MYOZ2: variants seen among roughly 807,000 people sequenced by gnomAD.
The protein encoded by MYOZ2 is myozenin 2, also known as myozenin-2.
In MYOZ2, 19 loss-of-function variants were observed where a neutral mutation model predicts 25.4. The observed-to-expected ratio is 0.75, with a 90% CI of 0.52 to 1.10. The LOEUF (loss-of-function observed/expected upper bound fraction) is 1.10, where lower values mean the gene tolerates loss of function less well. Among genes scored for constraint, MYOZ2 ranks in the 50% least tolerant of loss-of-function variants. MYOZ2 has a pLI of 0.00. For missense variants in MYOZ2, 270 were observed against 317.9 expected (o/e 0.85, Z 1.15); for synonymous variants, 92 against 106.9 (o/e 0.86, Z 0.86).
In MYOZ2 at chr4:119,164,353, T is replaced by A; in HGVS notation, c.519T>A (p.Pro173=). ...CTTTATATCCTAAACTTTTCAAGCCTGAAGGAAAGGCAGAACTGCCTGATT... is the reference window on the plus strand; with the variant it reads ...CTTTATATCCTAAACTTTTCAAGCCAGAAGGAAAGGCAGAACTGCCTGATT... ...LEALYPKLFK[P]EGKAELPDYR... is the part of the protein sequence containing the mutation. The change falls in exon 5 of 6, where the codon CCT becomes CCA. Residue 173 remains proline (P), a synonymous_variant. Transcript: ENST00000307128. 1 of 1,614,108 alleles carries A rather than the reference T, an allele frequency of 6.2e-7. No individual in the cohort carries two copies. The highest frequency in any genetic ancestry group is 8.5e-7 in the Non-Finnish European group (1 of 1,179,970).
intron 5 of MYOZ2, among the ~76,000 whole-genome samples, chr4:119,185,566 C>T (rs1016659596): frequency 1.3e-5 from 2 of 152,180 alleles, no homozygotes; most frequent in East Asian, 1.9e-4. Context: ...CCTCCTGCCT[C>T]GGCCTCCCAA....
chr4:119,157,948 T>G, intron 3 of MYOZ2, 74 bp from the exon 4 acceptor site: 1 of 1,542,094 alleles, frequency 6.5e-7, no homozygotes, highest in South Asian at 1.1e-5. Flanking sequence ...CAATTGAAGT[T>G]TTGCATATAT....
chr4:119,180,630 T>C (rs1468181512), intron 5 of MYOZ2, among the ~76,000 whole-genome samples: 1 of 152,222 alleles, frequency 6.6e-6, no homozygotes, highest in Non-Finnish European at 1.5e-5. Flanking sequence ...TTCAGCTCAC[T>C]GCAACCTCTG....
At chr4:119,182,701 G>C (rs1478944761) in intron 5 of MYOZ2, among the ~76,000 whole-genome samples, 2 of 152,134 alleles carry the variant, frequency 1.3e-5, no homozygotes, top group Non-Finnish European at 2.9e-5. Flanking sequence ...TAATGCCCCT[G>C]ATGACCTGAC....
intron 5 of MYOZ2, among the ~76,000 whole-genome samples, chr4:119,172,702 T>C (rs534429600): frequency 1.3e-5 from 2 of 152,276 alleles, no homozygotes; most frequent in South Asian, 4.2e-4. Context: ...GCAAGAGCAA[T>C]CTAGTCCCCA....
intron 5 of MYOZ2, among the ~76,000 whole-genome samples, chr4:119,174,914 C>A (rs968113692): frequency 2.6e-5 from 4 of 151,998 alleles, no homozygotes; most frequent in Admixed American, 6.6e-5. Flanking sequence ...CCAGGAGGAA[C>A]GAACAACTCC....
At chr4:119,163,021 C>A (rs1741744519) in intron 4 of MYOZ2, among the ~76,000 whole-genome samples, 1 of 151,870 alleles carries the variant, frequency 6.6e-6, no homozygotes, top group Admixed American at 6.6e-5. Context: ...ACATAGGTCA[C>A]AATTGAAGCT....
intron 2 of MYOZ2, among the ~76,000 whole-genome samples, chr4:119,138,756 A>T (rs1320849392): frequency 6.6e-6 from 1 of 152,026 alleles, no homozygotes; most frequent in African/African-American, 2.4e-5. Flanking sequence ...TTTAATTTTT[A>T]TTACTACTTA....
At chr4:119,147,447 T>G (rs1741326190) in intron 2 of MYOZ2, among the ~76,000 whole-genome samples, 1 of 152,016 alleles carries the variant, frequency 6.6e-6, no homozygotes, top group South Asian at 2.1e-4. Flanking sequence ...TATAGAAAAT[T>G]TATCTACTTT....
chr4:119,178,299 G>A (rs1742119244), intron 5 of MYOZ2, among the ~76,000 whole-genome samples: 1 of 152,152 alleles, frequency 6.6e-6, no homozygotes, highest in Non-Finnish European at 1.5e-5. Context: ...GTGATGGTAT[G>A]CAGTTCCAAG....
intron 2 of MYOZ2, among the ~76,000 whole-genome samples, chr4:119,140,916 T>C (rs1272968481): frequency 6.6e-6 from 1 of 152,040 alleles, no homozygotes; most frequent in Non-Finnish European, 1.5e-5. Flanking sequence ...AATAAGAAAA[T>C]AAAGAATCAC....
At chr4:119,157,001 A>C (rs1444458010) in intron 3 of MYOZ2, among the ~76,000 whole-genome samples, 1 of 152,214 alleles carries the variant, frequency 6.6e-6, no homozygotes, top group African/African-American at 2.4e-5. Context: ...TTTAAAACAA[A>C]ATTGTATTCT....
At chr4:119,182,786 G>GC (rs1742210477) in intron 5 of MYOZ2, among the ~76,000 whole-genome samples, 1 of 152,132 alleles carries the variant, frequency 6.6e-6, no homozygotes, top group Non-Finnish European at 1.5e-5. Flanking sequence ...TTCCTAACAG[G>GC]CCATAGATGG....
chr4:119,182,251 C>A (rs1049827445), intron 5 of MYOZ2, among the ~76,000 whole-genome samples: 8 of 152,156 alleles, frequency 5.3e-5, no homozygotes, highest in Non-Finnish European at 1.2e-4. Flanking sequence ...TAGCTTCTAG[C>A]AAATTGGCTG....
At chr4:119,153,536 T>TACCCCC (rs1741504120) in intron 3 of MYOZ2, among the ~76,000 whole-genome samples, 4 of 152,228 alleles carry the variant, frequency 2.6e-5, no homozygotes, top group African/African-American at 7.2e-5. Flanking sequence ...TAATCTGATT[T>TACCCCC]ATTGACTACA....
At chr4:119,171,655 A>G (rs1160489840) in intron 5 of MYOZ2, among the ~76,000 whole-genome samples, 1 of 150,898 alleles carries the variant, frequency 6.6e-6, no homozygotes, top group Non-Finnish European at 1.5e-5. Flanking sequence ...ATTATAAGAA[A>G]GCCATTTGGC....
intron 2 of MYOZ2, among the ~76,000 whole-genome samples, chr4:119,148,914 A>AT (rs919295610): frequency 4.7e-5 from 7 of 149,052 alleles, no homozygotes; most frequent in South Asian, 2.1e-4. Flanking sequence ...TTGGCATTTG[A>AT]TTTTTTTTTT....
chr4:119,170,772 A>G (rs1015464112), intron 5 of MYOZ2, among the ~76,000 whole-genome samples: 3 of 152,198 alleles, frequency 2.0e-5, no homozygotes, highest in African/African-American at 7.2e-5. Flanking sequence ...GAAAGAATTC[A>G]TGGCGTAAGA....
chr4:119,150,284 T>C (rs1195424526), intron 2 of MYOZ2, among the ~76,000 whole-genome samples: 1 of 152,140 alleles, frequency 6.6e-6, no homozygotes, highest in Non-Finnish European at 1.5e-5. Context: ...AATGAGTAAT[T>C]ATGAATAAAA....
Sources: gnomAD v4.1 joint callset for allele counts (sites outside exome capture counted in the v4.1 genomes callset) on GRCh38, gnomAD v4.1.1 for gene constraint, MANE v1.5 for transcripts, NCBI Gene and HGNC (gene_info 2026-07-23, HGNC 2026-07-21) for gene names.